The following CCDC22 variants were observed in gnomAD, a reference collection of about 807,000 sequenced individuals.
The protein encoded by CCDC22 is CCC complex scaffolding subunit CCDC22.
CCDC22 carries 4 observed loss-of-function variants against 53.1 expected under a neutral mutation model. The ratio of observed to expected loss-of-function variants is 0.08; its 90% CI spans 0.04 to 0.17. The LOEUF (loss-of-function observed/expected upper bound fraction) is 0.17. Ranked by LOEUF, CCDC22 falls within the 10% of genes least tolerant of loss-of-function variation. CCDC22 has a pLI of 1.00. For missense variants in CCDC22, 458 were observed against 554.0 expected (o/e 0.83, Z 1.74); for synonymous variants, 222 against 224.4 (o/e 0.99, Z 0.10).
Position 49,246,865 on chromosome X carries a change from C to G in CCDC22, c.849C>G (p.Ala283=). ...GELLQAWGAG[A]KTGAPKGSRF... ...TGCTGCAGGCCTGGGGTGCTGGGGC[C>G]AAGACTGGTGCTCCTAAGGGCTCCC... Residue 283 remains alanine, a synonymous_variant, in exon 7 of 17, where the codon GCC becomes GCG. Transcript: ENST00000376227. 8.3e-7 allele frequency: 1 copy of G among 1,202,430 alleles called. No individual in the cohort carries two copies. Among genetic ancestry groups the G allele is most frequent in the South Asian group, 1.8e-5 (1 of 55,351 alleles).
Position 49,248,863 on chromosome X carries a change from A to T in CCDC22, c.1478A>T (p.Tyr493Phe). The T allele has an allele frequency of 1.7e-6, 2 of 1,210,960 alleles. No individual in the cohort carries two copies. The highest frequency in any genetic ancestry group is 3.5e-5 in the South Asian group (2 of 56,827). ...CCCAGAGATGTGTCCCGGCTGGCCT[A>T]CACCCAGCGCATCCTGGAGATCGTG... ...TLPRDVSRLA[Y>F]TQRILEIVGN... The change falls in exon 13 of 17, where the codon TAC becomes TTC. Residue 493 changes from tyrosine to phenylalanine, a missense_variant. Coordinates refer to ENST00000376227, the MANE Select transcript of CCDC22 (RefSeq NM_014008.5).
rs201443058 is a variant in CCDC22 at position 49,237,196 on chromosome X, G to C, written c.161G>C (p.Ser54Thr). The change falls in exon 2 of 17, where the codon AGC (serine) becomes ACC (threonine). Residue 54 changes from serine (S) to threonine (T), a missense_variant. Ser to Thr is a moderately conservative substitution (Grantham distance 58). Around this residue, in one of 4 missense-constraint regions of CCDC22, gnomAD observed 55 missense variants for 106.0 expected, o/e 0.52. Transcript: ENST00000376227. ...VINPAVGSGL[S>T]PLLPLAMSAR... ...AACCCTGCGGTGGGCTCTGGCCTCAGCCCTCTGCTGCCTCTTGCCATGTCT... is the reference window on the plus strand; with the variant it reads ...AACCCTGCGGTGGGCTCTGGCCTCACCCCTCTGCTGCCTCTTGCCATGTCT... 43 of 1,210,622 alleles carry C rather than the reference G, an allele frequency of 3.6e-5. No homozygotes were observed. The Admixed American group carries it at 3.9e-4, about 11-fold the overall frequency.
At chrX:49,239,516 T>C (rs1025174926) in intron 2 of CCDC22, 1 of 630,757 alleles carries the variant, frequency 1.6e-6, no homozygotes, top group Non-Finnish European at 1.9e-6. Flanking sequence ...GGAGGGACGA[T>C]AGAGTAACTA....
At chrX:49,244,054 G>A (rs931353420) in intron 6 of CCDC22, among the ~76,000 whole-genome samples, 7 of 112,610 alleles carry the variant, frequency 6.2e-5, no homozygotes, top group African/African-American at 2.3e-4. Context: ...CTCCCAAAGT[G>A]TTGGGATTAC....
At position 49,243,294 on chromosome X, in the gene CCDC22, G is replaced by C; in HGVS notation, c.546G>C (p.Glu182Asp). ...PELSSRGEPREFQASPLLLPV... is the reference protein window; with the variant it reads ...PELSSRGEPRDFQASPLLLPV... Reference sequence around the variant, plus strand: ...TGTTCCTGCCTCCAGAGCCACGGGAGTTCCAGGCGAGTCCCCTGCTGCTTC... The same window carrying C: ...TGTTCCTGCCTCCAGAGCCACGGGACTTCCAGGCGAGTCCCCTGCTGCTTC... Residue 182 changes from glutamate to aspartate, a missense_variant, in exon 6 of 17, where the codon GAG becomes GAC. Physicochemically the swap from Glu to Asp is conservative, Grantham distance 45. Coordinates refer to ENST00000376227, the MANE Select transcript of CCDC22 (RefSeq NM_014008.5). The C allele has an allele frequency of 4.2e-6, 5 of 1,201,096 alleles. No homozygotes were observed. Among genetic ancestry groups the C allele is most frequent in the Non-Finnish European group, 5.6e-6 (5 of 889,441 alleles).
intron 2 of CCDC22, chrX:49,239,257 G>A (rs1226454333): frequency 2.4e-5 from 3 of 123,164 alleles, no homozygotes; most frequent in African/African-American, 6.5e-5. Context: ...GGGATTACAG[G>A]TGTGAGCCAC....
In CCDC22 at chrX:49,243,222, TG is replaced by T. The variant is rs782001304; in HGVS notation, c.535+45del. On this transcript the variant is annotated intron_variant, in intron 5 of 16. Coordinates refer to ENST00000376227, the MANE Select transcript of CCDC22 (RefSeq NM_014008.5). ...CTGTGGGGAGGGGTGAGGAGGAAGG[TG>T]GGGGGGAACCTCATAGCGTTGCCAT... The T allele has an allele frequency of 1.6e-4, 186 of 1,198,157 alleles. No homozygotes were observed. In the African/African-American group the frequency reaches 2.4e-3, roughly 15 times the overall value.
chrX:49,238,465 G>T (rs782310714), intron 2 of CCDC22, among the ~76,000 whole-genome samples: 1 of 112,435 alleles, frequency 8.9e-6, no homozygotes, highest in Non-Finnish European at 1.9e-5. Context: ...CCAAAGAAAG[G>T]CATGCTGGTT....
intron 5 of CCDC22, 36 bp downstream of exon 5, chrX:49,243,220 G>A (rs1490244929): frequency 8.3e-7 from 1 of 1,202,975 alleles, no homozygotes; most frequent in South Asian, 1.8e-5. Flanking sequence ...TGAGGAGGAA[G>A]GTGGGGGGGA....
intron 6 of CCDC22, among the ~76,000 whole-genome samples, chrX:49,245,248 C>T (rs1190984726): frequency 9.0e-6 from 1 of 111,326 alleles, no homozygotes; most frequent in Non-Finnish European, 1.9e-5. Flanking sequence ...TCCTCTGTGT[C>T]CACATCTCTG....
At chrX:49,240,253 CA>C (rs59389390) in intron 2 of CCDC22, among the ~76,000 whole-genome samples, 42 of 54,703 alleles carry the variant, frequency 7.7e-4, no homozygotes, top group Admixed American at 1.5e-3. Flanking sequence ...ACCCCATCTC[CA>C]AAAAAAAAAA....
In CCDC22 at chrX:49,235,572, C is replaced by A; in HGVS notation, c.-65C>A. On this transcript the variant is annotated 5_prime_UTR_variant, in exon 1 of 17. Coordinates refer to ENST00000376227, the MANE Select transcript of CCDC22 (RefSeq NM_014008.5). ...CCGCGAGCACGGAGCAGGGTTTCTA[C>A]AGCTGCTCCCCACTTTCTCGGACCC... 1 of 998,132 alleles carries A rather than the reference C, an allele frequency of 1.0e-6. No homozygotes were observed. The highest frequency in any genetic ancestry group is 1.4e-6 in the Non-Finnish European group (1 of 717,917). 82.3% of individuals were successfully genotyped at this position (998,132 alleles called of 1,213,427 possible).
At chrX:49,238,602 T>G (rs782171813) in intron 2 of CCDC22, among the ~76,000 whole-genome samples, 1 of 112,900 alleles carries the variant, frequency 8.9e-6, no homozygotes, top group Middle Eastern at 4.6e-3. Context: ...ATATTTTAAT[T>G]TTTTTAGAGG....
intron 7 of CCDC22, chrX:49,247,222 G>A (rs2065995107): frequency 2.3e-6 from 1 of 437,760 alleles, no homozygotes; most frequent in African/African-American, 2.5e-5. Context: ...TTCACTCTGA[G>A]GGCCCCCCAT....
chrX:49,235,826 TACAC>T lies in CCDC22; in HGVS notation c.50+175_50+178del, dbSNP rs797042658. The T allele has an allele frequency of 3.0e-3, 728 of 241,481 alleles. 1 individual carries two copies. The highest frequency in any genetic ancestry group is 0.013 in the East Asian group (216 of 17,255). The allele number at this position is 241,481 out of a possible 1,213,427, so 19.9% of individuals were successfully genotyped here. ...CAGGATCCTAAGACCCTCACCCCCT[TACAC>T]ACACACACACACACACACACACACA... On this transcript the variant is annotated intron_variant, in intron 1 of 16. Transcript: ENST00000376227.
In CCDC22 at chrX:49,242,913, T is replaced by C. The variant is rs142489693; in HGVS notation, c.389T>C (p.Ile130Thr). 1,692 of 1,163,848 alleles carry C rather than the reference T, an allele frequency of 1.5e-3. 3 individuals carry two copies. The highest frequency in any genetic ancestry group is 9.6e-4 in the Non-Finnish European group (838 of 871,157). Residue 130 changes from isoleucine to threonine, a missense_variant, in exon 4 of 17, where the codon ATT (isoleucine) becomes ACT (threonine). By Grantham distance (89) the Ile-to-Thr change is moderately conservative. This residue lies in a region of CCDC22 where 309 missense variants were observed against 312.3 expected (regional missense o/e 0.99). Transcript: ENST00000376227. ...AGDSAILLRA[I>T]GSQIRDQLAL... The stretch of plus-strand genomic sequence containing the variant: ...GACTCAGCTATTCTCCTCCGGGCCA[T>C]TGGGAGCCAAATTCGGGACCAGCTG...
At chrX:49,243,923 G>C (rs782365188) in intron 6 of CCDC22, among the ~76,000 whole-genome samples, 2 of 112,188 alleles carry the variant, frequency 1.8e-5, no homozygotes, top group Non-Finnish European at 3.8e-5. Context: ...CAAGTAGCTG[G>C]GATTACAGGC....
rs781896650 is a variant in CCDC22, at chrX:49,237,227, G to A, written c.192G>A (p.Arg64=). The A allele has an allele frequency of 8.3e-7, 1 of 1,210,663 alleles. No homozygotes were observed. Among genetic ancestry groups the A allele is most frequent in the Non-Finnish European group, 1.1e-6 (1 of 894,929 alleles). The change falls in exon 2 of 17, where the codon CGG becomes CGA. Residue 64 remains arginine, a synonymous_variant. Transcript: ENST00000376227. ...SPLLPLAMSA[R]FRLAMSLAQA... is the part of the protein sequence containing the mutation. ...TGCTGCCTCTTGCCATGTCTGCCCG[G>A]TTCCGCCTGGCCATGAGCCTGGCTC...
In CCDC22 at chrX:49,238,075, C is replaced by CTT. The variant is rs58787414; in HGVS notation, c.228+827_228+828dup. On this transcript the variant is annotated intron_variant, in intron 2 of 16. Coordinates refer to ENST00000376227, the MANE Select transcript of CCDC22 (RefSeq NM_014008.5). ...GCCCAGCCTTTTCTTTTCTTTTTTT[C>CTT]TTTTTTTTTTTTTTTTGATGTGAAG... Among the ~76,000 whole-genome samples, 410 of 84,350 alleles carry CTT rather than the reference C, an allele frequency of 4.9e-3. 3 individuals carry two copies. Among genetic ancestry groups the CTT allele is most frequent in the African/African-American group, 0.018 (401 of 21,879 alleles). The allele number at this position is 84,350 out of a possible 115,157, so 73.2% of individuals were successfully genotyped here.
Sources: allele counts gnomAD v4.1 joint callset (sites outside exome capture counted in the v4.1 genomes callset), GRCh38; gene constraint gnomAD v4.1.1; regional missense constraint gnomAD v4.1.1; transcripts MANE v1.5; gene names NCBI Gene and HGNC (gene_info 2026-07-23, HGNC 2026-07-21).